The following ZNF843 variants were observed in gnomAD, a reference collection of about 807,000 sequenced individuals.
The protein encoded by ZNF843 is zinc finger protein 843.
For synonymous variants in ZNF843, 185 were observed against 207.7 expected (o/e 0.89, Z 0.94); for missense variants, 482 against 469.4 (o/e 1.03, Z -0.25).
intron 1 of ZNF843, among the ~76,000 whole-genome samples, chr16:31,440,091 A>G (rs762527203): frequency 2.0e-5 from 3 of 151,072 alleles, no homozygotes; most frequent in Non-Finnish European, 2.9e-5. Flanking sequence ...TAGACCTCAC[A>G]ACAACTCTCC....
chr16:31,436,815 C>CT lies in ZNF843; in HGVS notation c.34dup (p.Ser12LysfsTer88). 1 of 1,549,354 alleles carries CT rather than the reference C, an allele frequency of 6.5e-7. No homozygotes were observed. Among genetic ancestry groups the CT allele is most frequent in the Non-Finnish European group, 8.7e-7 (1 of 1,145,572 alleles). On this transcript the variant is annotated frameshift_variant, in exon 2 of 2. Coordinates refer to ENST00000315678, the MANE Select transcript of ZNF843 (RefSeq NM_001136509.3). LOFTEE classifies it low-confidence loss of function (END_TRUNC). ...GCAGGTAGGAGCTCTGGCTGAAACG[C>CT]TTTCCACAGTCAGGGCAAAGGGGAG...
rs1391185758 is a variant in ZNF843 at position 31,436,427 on chromosome 16, T to A, written c.423A>T (p.Arg141Ser). 6.4e-6 allele frequency: 10 copies of A among 1,551,464 alleles called. No homozygotes were observed. The highest frequency in any genetic ancestry group is 4.1e-5 in the African/African-American group (3 of 73,040). Residue 141 changes from arginine (R) to serine (S), a missense_variant, in exon 2 of 2, where the codon AGA becomes AGT. Transcript: ENST00000315678. ...AGCTGCAGCAGCAGAAGGGACACAC[T>A]CTCCTGTGTGAATTCGCTGGTGGCC... ...ADRPPANSHR[R>S]VCPFCCCSCG...
chr16:31,438,389 G>C (rs944554789), intron 1 of ZNF843, among the ~76,000 whole-genome samples: 1 of 152,188 alleles, frequency 6.6e-6, no homozygotes, highest in African/African-American at 2.4e-5. Flanking sequence ...AAGTAGCCAA[G>C]AGTAGAGTTT....
chr16:31,436,015 A>C lies in ZNF843; in HGVS notation c.835T>G (p.Ser279Ala), dbSNP rs1381770381. 1 of 1,525,758 alleles carries C rather than the reference A, an allele frequency of 6.6e-7. No homozygotes were observed. Among genetic ancestry groups the C allele is most frequent in the Non-Finnish European group, 8.8e-7 (1 of 1,133,526 alleles). The allele number at this position is 1,525,758 out of a possible 1,614,324, so 94.5% of individuals were successfully genotyped here. The change falls in exon 2 of 2, where the codon TCG (serine) becomes GCG (alanine). Residue 279 changes from serine to alanine, a missense_variant. Coordinates refer to ENST00000315678, the MANE Select transcript of ZNF843 (RefSeq NM_001136509.3). ...PRSCASAGRD[S>A]REAVQAPGYP... The stretch of plus-strand genomic sequence containing the variant: ...CCTGGGGCCTGAACCGCCTCCCGCG[A>C]GTCCCGTCCCGCGCTCGCACAGCTT...
In ZNF843 at chr16:31,435,528, G is replaced by A. The variant is rs1213800963; in HGVS notation, c.*275C>T. ...AGTCTCAAATTCTTCGGGCTCACGC[G>A]ATCCTCCCACCTCGGTCTCTTAAAG... On this transcript the variant is annotated 3_prime_UTR_variant, in exon 2 of 2. Coordinates refer to ENST00000315678, the MANE Select transcript of ZNF843 (RefSeq NM_001136509.3). The A allele has an allele frequency of 3.2e-6, 1 of 314,610 alleles. No homozygotes were observed. The highest frequency in any genetic ancestry group is 5.0e-5 in the East Asian group (1 of 19,892). The allele number at this position is 314,610 out of a possible 1,614,324, so 19.5% of individuals were successfully genotyped here. A position where few individuals can be genotyped will look rare whatever the true frequency, so the allele number is the denominator to read the frequency against.
Position 31,435,961 on chromosome 16 carries a change from G to T in ZNF843, c.889C>A (p.Gln297Lys), listed in dbSNP as rs2082177988. Residue 297 changes from glutamine (Q) to lysine (K), a missense_variant, in exon 2 of 2, where the codon CAG becomes AAG. By Grantham distance (53) the Gln-to-Lys change is moderately conservative. Coordinates refer to ENST00000315678, the MANE Select transcript of ZNF843 (RefSeq NM_001136509.3). ...GYPEPARKASQHRAAGPLGEA... is the reference protein window; with the variant it reads ...GYPEPARKASKHRAAGPLGEA... Reference sequence around the variant, plus strand: ...CCGAGCGGTCCGGCCGCTCTGTGCTGCGAGGCCTTCCGGGCTGGCTCAGGG... The same window carrying T: ...CCGAGCGGTCCGGCCGCTCTGTGCTTCGAGGCCTTCCGGGCTGGCTCAGGG... 6.5e-7 allele frequency: 1 copy of T among 1,532,594 alleles called. No homozygotes were observed. The highest frequency in any genetic ancestry group is 2.1e-5 in the Admixed American group (1 of 48,560). The allele number at this position is 1,532,594 out of a possible 1,614,324, so 94.9% of individuals were successfully genotyped here. A position where few individuals can be genotyped will look rare whatever the true frequency, so the allele number is the denominator to read the frequency against.
chr16:31,438,329 CTT>C (rs2082190346), intron 1 of ZNF843, among the ~76,000 whole-genome samples: 1 of 152,284 alleles, frequency 6.6e-6, no homozygotes, highest in East Asian at 1.9e-4. Context: ...TATTGAAACT[CTT>C]TTTTAAAAAG....
Position 31,435,674 on chromosome 16 carries a change from C to G in ZNF843, c.*129G>C. On this transcript the variant is annotated 3_prime_UTR_variant, in exon 2 of 2. Transcript: ENST00000315678. ...ACAAACAAAATAGCCCCCAGCACTT[C>G]TGAGAAAGATCTGCCATACAGAAAA... 1.1e-6 allele frequency: 1 copy of G among 882,710 alleles called. No individual in the cohort carries two copies. Among genetic ancestry groups the G allele is most frequent in the South Asian group, 2.7e-5 (1 of 37,480 alleles). The allele number at this position is 882,710 out of a possible 1,614,324, so 54.7% of individuals were successfully genotyped here.
At chr16:31,439,555 A>G (rs78889885) in intron 1 of ZNF843, among the ~76,000 whole-genome samples, 7,392 of 152,350 alleles carry the variant, frequency 0.049, 253 homozygotes, top group South Asian at 0.11. Context: ...TACTAGCAAC[A>G]AAGAGGAACT....
chr16:31,437,263 G>GCTT (rs1425548083), intron 1 of ZNF843, 79 bp from the exon 2 acceptor site: 1 of 153,010 alleles, frequency 6.5e-6, no homozygotes, highest in African/African-American at 2.6e-5. Context: ...TGTAATCAAT[G>GCTT]CTTCTTTATT....
chr16:31,436,444 C>T lies in ZNF843; in HGVS notation c.406G>A (p.Ala136Thr). The T allele has an allele frequency of 6.4e-7, 1 of 1,551,700 alleles. No individual in the cohort carries two copies. The highest frequency in any genetic ancestry group is 1.4e-5 in the African/African-American group (1 of 73,192). ...GGACACACTCTCCTGTGTGAATTCG[C>T]TGGTGGCCGATCAGCTTCCACCGGT... is the stretch of plus-strand genomic sequence containing the variant. ...WGPVEADRPPANSHRRVCPFC... is the reference protein window; with the variant it reads ...WGPVEADRPPTNSHRRVCPFC... Residue 136 changes from alanine to threonine, a missense_variant, in exon 2 of 2, where the codon GCG becomes ACG. By Grantham distance (58) the Ala-to-Thr change is moderately conservative. Transcript: ENST00000315678.
Position 31,436,841 on chromosome 16 carries a change from G to T in ZNF843, c.9C>A (p.Ser3Arg). The T allele has an allele frequency of 6.5e-7, 1 of 1,536,006 alleles. No homozygotes were observed. The highest frequency in any genetic ancestry group is 8.8e-7 in the Non-Finnish European group (1 of 1,138,018). MRSLPFALTVESV... is the reference protein window; with the variant it reads MRRLPFALTVESV... ...TTTCCACAGTCAGGGCAAAGGGGAG[G>T]CTTCTCATGAGCAGGGCTTCGGAGA... Residue 3 changes from serine to arginine, a missense_variant, in exon 2 of 2, where the codon AGC becomes AGA. Coordinates refer to ENST00000315678, the MANE Select transcript of ZNF843 (RefSeq NM_001136509.3).
At position 31,435,901 on chromosome 16, in the gene ZNF843, C is replaced by A. The variant is rs2082177291; in HGVS notation, c.949G>T (p.Ala317Ser). The A allele has an allele frequency of 3.9e-6, 6 of 1,544,436 alleles. No homozygotes were observed. The South Asian group carries it at 6.0e-5, about 15-fold the overall frequency. ...ARARLQRQCRAPPPPSNPHWR... is the reference protein window; with the variant it reads ...ARARLQRQCRSPPPPSNPHWR... ...TGTGGGTTCGAGGGCGGTGGAGGAG[C>A]TCGGCACTGTCGCTGAAGCCTGGCC... The change falls in exon 2 of 2, where the codon GCT (alanine) becomes TCT (serine). Residue 317 changes from alanine (A) to serine (S), a missense_variant. Coordinates refer to ENST00000315678, the MANE Select transcript of ZNF843 (RefSeq NM_001136509.3).
intron 1 of ZNF843, among the ~76,000 whole-genome samples, chr16:31,440,178 A>AT (rs2082196492): frequency 6.6e-6 from 1 of 152,240 alleles, no homozygotes. Context: ...GAAAAGCCAT[A>AT]TATACGGTAA....
intron 1 of ZNF843, among the ~76,000 whole-genome samples, chr16:31,441,044 C>T (rs1458876134): frequency 6.6e-6 from 1 of 152,198 alleles, no homozygotes; most frequent in Non-Finnish European, 1.5e-5. Context: ...TCCAGTTGGC[C>T]TTTTGTGATT....
chr16:31,441,745 C>G (rs1211901442), intron 1 of ZNF843, among the ~76,000 whole-genome samples: 1 of 152,136 alleles, frequency 6.6e-6, no homozygotes, highest in Non-Finnish European at 1.5e-5. Flanking sequence ...CCTTGGCTTC[C>G]CGAAGTGCTG....
At position 31,436,758 on chromosome 16, in the gene ZNF843, T is replaced by G. The variant is rs1407712072; in HGVS notation, c.92A>C (p.Gln31Pro). The G allele has an allele frequency of 1.3e-6, 2 of 1,551,662 alleles. No homozygotes were observed. Among genetic ancestry groups the G allele is most frequent in the Non-Finnish European group, 1.7e-6 (2 of 1,147,044 alleles). Residue 31 changes from glutamine (Q) to proline (P), a missense_variant, in exon 2 of 2, where the codon CAG becomes CCG. Physicochemically the swap from Gln to Pro is moderately conservative, Grantham distance 76. Transcript: ENST00000315678. ...CCCGCAGGCCTTGCACTTGCAGGGC[T>G]GACGGCCCTGGGTGAATCTGCCGGT... ...CSTGRFTQGR[Q>P]PCKCKACGRG...
Position 31,436,934 on chromosome 16 carries a change from C to CA in ZNF843, c.-86dup. ...TGGCGCAGCTGTGGGGCCTCTGCCG[C>CA]ACTCAGGCTTCCCGTGGCCACGAGC... is the stretch of plus-strand genomic sequence containing the variant. On this transcript the variant is annotated 5_prime_UTR_variant, in exon 2 of 2. Transcript: ENST00000315678. 7.6e-7 allele frequency: 1 copy of CA among 1,321,354 alleles called. No individual in the cohort carries two copies. The allele number at this position is 1,321,354 out of a possible 1,614,324, so 81.9% of individuals were successfully genotyped here.
At chr16:31,442,301 T>C (rs1405328228) in intron 1 of ZNF843, among the ~76,000 whole-genome samples, 2 of 149,524 alleles carry the variant, frequency 1.3e-5, no homozygotes, top group African/African-American at 4.9e-5. Flanking sequence ...CTTCGCTCGA[T>C]TTTATTTATT....
Sources: gnomAD v4.1 joint callset for allele counts (sites outside exome capture counted in the v4.1 genomes callset) on GRCh38, gnomAD v4.1.1 for gene constraint, MANE v1.5 for transcripts, NCBI Gene and HGNC (gene_info 2026-07-23, HGNC 2026-07-21) for gene names.